The following ZFPM2 variants were observed in gnomAD, a reference collection of about 807,000 sequenced individuals.
The protein encoded by ZFPM2 is zinc finger protein, FOG family member 2.
In ZFPM2, 20 loss-of-function variants were observed where a neutral mutation model predicts 98.6. That is an observed-to-expected ratio of 0.20 (90% confidence interval 0.14 to 0.29). ZFPM2 has a LOEUF of 0.29. Among genes scored for constraint, ZFPM2 ranks in the 10% least tolerant of loss-of-function variants. The pLI is 1.00. For missense variants in ZFPM2, 1,310 were observed against 1,388.6 expected (o/e 0.94, Z 0.90); for synonymous variants, 518 against 502.7 (o/e 1.03, Z -0.41).
intron 4 of ZFPM2, among the ~76,000 whole-genome samples, chr8:105,561,894 G>T (rs1815145626): frequency 6.6e-6 from 1 of 152,160 alleles, no homozygotes; most frequent in South Asian, 2.1e-4. Context: ...ACCTTTAAAA[G>T]CAGGGATGAG....
intron 3 of ZFPM2, among the ~76,000 whole-genome samples, chr8:105,477,887 T>C (rs1371016164): frequency 6.6e-6 from 1 of 152,196 alleles, no homozygotes; most frequent in Non-Finnish European, 1.5e-5. Context: ...AAGTCTTCTT[T>C]CCATTATCCT....
chr8:105,639,918 G>A (rs1472364890), intron 5 of ZFPM2, among the ~76,000 whole-genome samples: 5 of 151,878 alleles, frequency 3.3e-5, no homozygotes, highest in Non-Finnish European at 5.9e-5. Context: ...TCTTGGGCAC[G>A]TGATACTTTT....
chr8:105,582,266 T>G (rs1815617765), intron 4 of ZFPM2, among the ~76,000 whole-genome samples: 1 of 152,148 alleles, frequency 6.6e-6, no homozygotes, highest in South Asian at 2.1e-4. Context: ...ATAATGAGTT[T>G]GAAAGAATGA....
intron 2 of ZFPM2, among the ~76,000 whole-genome samples, chr8:105,426,267 G>A (rs1811908463): frequency 6.6e-6 from 1 of 152,146 alleles, no homozygotes; most frequent in African/African-American, 2.4e-5. Context: ...GGAGTTCAAA[G>A]AGAAGGAATA....
At chr8:105,394,070 T>C (rs974272553) in intron 1 of ZFPM2, among the ~76,000 whole-genome samples, 1 of 152,038 alleles carries the variant, frequency 6.6e-6, no homozygotes, top group Admixed American at 6.6e-5. Flanking sequence ...ATTTTTTGTA[T>C]TTTTATTAGA....
chr8:105,650,661 T>C (rs979155931), intron 5 of ZFPM2, among the ~76,000 whole-genome samples: 1 of 152,224 alleles, frequency 6.6e-6, no homozygotes, highest in Non-Finnish European at 1.5e-5. Context: ...GAGCAGGTTG[T>C]TCAGTTTCCG....
At chr8:105,574,189 G>A (rs182897218) in intron 4 of ZFPM2, among the ~76,000 whole-genome samples, 1 of 152,196 alleles carries the variant, frequency 6.6e-6, no homozygotes, top group Admixed American at 6.5e-5. Flanking sequence ...GTACTCACAC[G>A]TATCCATACA....
chr8:105,674,475 A>G (rs1302757352), intron 5 of ZFPM2, among the ~76,000 whole-genome samples: 2 of 152,172 alleles, frequency 1.3e-5, no homozygotes, highest in Non-Finnish European at 2.9e-5. Context: ...TTCAGAGGAG[A>G]CCAAGTCTTG....
At chr8:105,415,533 A>G (rs1177220894) in intron 1 of ZFPM2, among the ~76,000 whole-genome samples, 5 of 151,840 alleles carry the variant, frequency 3.3e-5, no homozygotes, top group Admixed American at 3.3e-4. Flanking sequence ...ATGTGTGGTG[A>G]TTTTTCTGAA....
intron 1 of ZFPM2, among the ~76,000 whole-genome samples, chr8:105,368,207 C>T (rs1291116935): frequency 2.7e-5 from 4 of 148,900 alleles, no homozygotes; most frequent in Non-Finnish European, 5.9e-5. Context: ...TGTGTCTCTG[C>T]CCAGCTTTGG....
Position 105,586,964 on chromosome 8 carries a change from C to T in ZFPM2, c.420+25483C>T, listed in dbSNP as rs1586481348. 2.0e-5 allele frequency among the ~76,000 whole-genome samples: 3 copies of T among 151,216 alleles called. No individual in the cohort carries two copies. The South Asian group carries it at 6.2e-4, about 31-fold the overall frequency. On this transcript the variant is annotated intron_variant, in intron 4 of 7. Transcript: ENST00000407775. ...CCAGAACAGATAAAATTATTTTAAG[C>T]ATTGTATGCAGCATTAAAAGCTTTG...
chr8:105,799,986 T>C (rs951909226), intron 7 of ZFPM2, among the ~76,000 whole-genome samples: 25 of 152,298 alleles, frequency 1.6e-4, no homozygotes, highest in African/African-American at 5.8e-4. Flanking sequence ...ATGAGCTATC[T>C]TCATATAGAT....
chr8:105,634,018 A>G (rs1021161960), intron 4 of ZFPM2, among the ~76,000 whole-genome samples: 28 of 123,108 alleles, frequency 2.3e-4, no homozygotes, highest in Admixed American at 7.1e-4. Flanking sequence ...TCATTTAGGA[A>G]AAAAAAAAAA....
At chr8:105,397,077 C>T (rs193046931) in intron 1 of ZFPM2, among the ~76,000 whole-genome samples, 1 of 152,132 alleles carries the variant, frequency 6.6e-6, no homozygotes, top group Non-Finnish European at 1.5e-5. Context: ...CTACAAACTC[C>T]GACCACCACT....
chr8:105,692,380 TA>T (rs1810907615), intron 5 of ZFPM2, among the ~76,000 whole-genome samples: 1 of 152,166 alleles, frequency 6.6e-6, no homozygotes. Context: ...TATCTATATG[TA>T]GGGGGTGCAA....
chr8:105,388,808 C>T (rs538644188), intron 1 of ZFPM2, among the ~76,000 whole-genome samples: 5 of 152,076 alleles, frequency 3.3e-5, no homozygotes, highest in Non-Finnish European at 7.4e-5. Context: ...CGTTGCTGTC[C>T]TCTTCCAACC....
chr8:105,554,334 C>A (rs1814934709), intron 3 of ZFPM2, among the ~76,000 whole-genome samples: 3 of 152,132 alleles, frequency 2.0e-5, no homozygotes, highest in Admixed American at 2.0e-4. Flanking sequence ...ATCTAACCCT[C>A]TTAGGTATCT....
At chr8:105,485,913 G>A (rs117099354) in intron 3 of ZFPM2, among the ~76,000 whole-genome samples, 8 of 152,188 alleles carry the variant, frequency 5.3e-5, no homozygotes, top group East Asian at 3.9e-4. Flanking sequence ...AGGCATTACC[G>A]GTGAATTATG....
In ZFPM2 at chr8:105,712,166, A is replaced by T. The variant is rs1586213629; in HGVS notation, c.533-76552A>T. 1.3e-5 allele frequency among the ~76,000 whole-genome samples: 2 copies of T among 152,166 alleles called. 1 individual carries two copies. Among genetic ancestry groups the T allele is most frequent in the South Asian group, 4.1e-4 (2 of 4,830 alleles). On this transcript the variant is annotated intron_variant, in intron 5 of 7. Coordinates refer to ENST00000407775, the MANE Select transcript of ZFPM2 (RefSeq NM_012082.4). Reference sequence around the variant, plus strand: ...TATAAGATGTTGTTGAAACAAAAAAAGATAAGGAACAAGTGATGGAGAAAG... The same window carrying T: ...TATAAGATGTTGTTGAAACAAAAAATGATAAGGAACAAGTGATGGAGAAAG...
Sources: allele counts gnomAD v4.1 joint callset (sites outside exome capture counted in the v4.1 genomes callset), GRCh38; gene constraint gnomAD v4.1.1; transcripts MANE v1.5; gene names NCBI Gene and HGNC (gene_info 2026-07-23, HGNC 2026-07-21).